LIPA: variants seen among roughly 807,000 people sequenced by gnomAD.
The protein encoded by LIPA is lysosomal acid lipase/cholesteryl ester hydrolase.
A neutral mutation model predicts 40.6 loss-of-function variants in LIPA; 26 were observed. The ratio of observed to expected loss-of-function variants is 0.64; its 90% CI spans 0.47 to 0.89. The LOEUF is 0.89. LIPA is among the 40% of genes least tolerant of loss of function. The probability of loss-of-function intolerance (pLI) is 0.00; values close to 1 mark genes in which losing one functional copy is unlikely to be tolerated. For missense variants in LIPA, 455 were observed against 479.6 expected (o/e 0.95, Z 0.48); for synonymous variants, 188 against 168.4 (o/e 1.12, Z -0.90).
chr10:89,342,968 C>A (rs1275288429), upstream of LIPA, among the ~76,000 whole-genome samples: 1 of 152,064 alleles, frequency 6.6e-6, no homozygotes, highest in Non-Finnish European at 1.5e-5. Context: ...AGTCTACTGA[C>A]CTGCAAAAAT....
chr10:89,305,896 C>A, intron 1 of LIPA: 1 of 1,119,588 alleles, frequency 8.9e-7, no homozygotes, highest in Non-Finnish European at 1.3e-6. Context: ...ATTTTATTTG[C>A]CATGCTCCCA....
At chr10:89,296,510 G>A (rs1262563156) in intron 1 of LIPA, among the ~76,000 whole-genome samples, 15 of 120,960 alleles carry the variant, frequency 1.2e-4, no homozygotes, top group East Asian at 2.3e-4. Flanking sequence ...AAAAAAAGAA[G>A]AAGAAGAAGA....
At chr10:89,346,906 G>A (rs1843927068), upstream of LIPA, among the ~76,000 whole-genome samples, 1 of 152,210 alleles carries the variant, frequency 6.6e-6, no homozygotes, top group South Asian at 2.1e-4. Flanking sequence ...GTTGGAGAAA[G>A]AGCCACACTC....
rs1356622527 is a variant in LIPA at position 89,214,874 on chromosome 10, C to A, written c.1154G>T (p.Trp385Leu). Residue 385 changes from tryptophan (W) to leucine (L), a missense_variant, in exon 10 of 10, where the codon TGG (tryptophan) becomes TTG (leucine). Transcript: ENST00000336233. ...LDFIWGLDAPWRLYNKIINLM... is the reference protein window; with the variant it reads ...LDFIWGLDAPLRLYNKIINLM... ...ATTAATAATTTTATTATAAAGCCTCCAAGGGGCATCCAGGCCCCAAATGAA... is the reference window on the plus strand; with the variant it reads ...ATTAATAATTTTATTATAAAGCCTCAAAGGGGCATCCAGGCCCCAAATGAA... 1.2e-6 allele frequency: 2 copies of A among 1,613,106 alleles called. No individual in the cohort carries two copies. Among genetic ancestry groups the A allele is most frequent in the Non-Finnish European group, 8.5e-7 (1 of 1,179,084 alleles).
chr10:89,280,141 T>C (rs112752892), intron 1 of LIPA, among the ~76,000 whole-genome samples: 1,582 of 152,280 alleles, frequency 0.01, 20 homozygotes, highest in African/African-American at 0.032. Flanking sequence ...AAACCACAGC[T>C]ACAAAACAAC....
In LIPA at chr10:89,278,490, C is replaced by T. The variant is rs528305757; in HGVS notation, c.-1-30841G>A. The T allele has an allele frequency of 2.0e-5, 3 of 152,294 alleles. No individual in the cohort carries two copies. In the South Asian group the frequency reaches 6.2e-4, roughly 32 times the overall value. 9.4% of individuals were successfully genotyped at this position (152,294 alleles called of 1,614,324 possible). A position where few individuals can be genotyped will look rare whatever the true frequency, so the allele number is the denominator to read the frequency against. ...TTTTCTTGGTTTAGCTGATTTAATC[C>T]TTACAATAAACATCTGTGATAGGAA... On this transcript the variant is annotated intron_variant, in intron 1 of 5. Transcript: ENST00000282673.
intron 8 of LIPA, among the ~76,000 whole-genome samples, chr10:89,218,519 G>A (rs1842656644): frequency 1.3e-5 from 2 of 152,124 alleles, no homozygotes; most frequent in Admixed American, 1.3e-4. Flanking sequence ...TAAGTACATG[G>A]CTGCCAAGAT....
intron 1 of LIPA, among the ~76,000 whole-genome samples, chr10:89,301,478 T>C (rs1190836207): frequency 6.6e-6 from 1 of 152,054 alleles, no homozygotes; most frequent in Non-Finnish European, 1.5e-5. Context: ...CTCCTAGGAG[T>C]TGTGCTCCCT....
At chr10:89,339,826 A>G in intron 1 of LIPA, 1 of 1,614,224 alleles carries the variant, frequency 6.2e-7, no homozygotes. Flanking sequence ...CATAAGCAAA[A>G]AATCAACTGA....
At chr10:89,344,488 A>T (rs1318403762), upstream of LIPA, among the ~76,000 whole-genome samples, 4 of 152,212 alleles carry the variant, frequency 2.6e-5, no homozygotes, top group Non-Finnish European at 5.9e-5. Context: ...ATGGGGCTAC[A>T]CATGCCTGTT....
At chr10:89,346,322 T>C (rs1297973068), upstream of LIPA, among the ~76,000 whole-genome samples, 1 of 152,154 alleles carries the variant, frequency 6.6e-6, no homozygotes, top group African/African-American at 2.4e-5. Context: ...TGACAACATA[T>C]AATCAACTAA....
intron 1 of LIPA, among the ~76,000 whole-genome samples, chr10:89,277,321 T>C (rs895057880): frequency 1.3e-5 from 2 of 152,238 alleles, no homozygotes; most frequent in Non-Finnish European, 2.9e-5. Context: ...TTGAGTCTGC[T>C]TTCTCGTATT....
At chr10:89,412,160 T>C (rs1841474221) in intron 2 of LIPA, among the ~76,000 whole-genome samples, 1 of 152,102 alleles carries the variant, frequency 6.6e-6, no homozygotes, top group Non-Finnish European at 1.5e-5. Context: ...GCTAGAGCAG[T>C]CATCAGCCAA....
At chr10:89,232,135 A>G (rs966783988) in intron 3 of LIPA, among the ~76,000 whole-genome samples, 28 of 152,334 alleles carry the variant, frequency 1.8e-4, no homozygotes, top group Admixed American at 8.5e-4. Flanking sequence ...ATTATAGTTG[A>G]AAAATGTGTA....
chr10:89,380,374 C>G (rs138767395), intron 2 of LIPA, among the ~76,000 whole-genome samples: 1 of 151,870 alleles, frequency 6.6e-6, no homozygotes, highest in East Asian at 1.9e-4. Context: ...AACATGGTGA[C>G]GAGTCCCTGT....
chr10:89,338,924 A>G (rs1843795481), intron 1 of LIPA: 2 of 1,614,108 alleles, frequency 1.2e-6, no homozygotes, highest in South Asian at 1.1e-5. Context: ...GACCAAGCAG[A>G]AATCAGAAGT....
intron 1 of LIPA, among the ~76,000 whole-genome samples, chr10:89,267,472 C>CGCAAGAACAAAAAA (rs1192756099): frequency 6.6e-6 from 1 of 150,998 alleles, no homozygotes; most frequent in Non-Finnish European, 1.5e-5. Flanking sequence ...AGTAAACTAT[C>CGCAAGAACAAAAAA]GCAAGAACAA....
chr10:89,291,493 C>T lies in LIPA; in HGVS notation c.-1-43844G>A, dbSNP rs75833702. On this transcript the variant is annotated intron_variant, in intron 1 of 5. Transcript: ENST00000282673. ...GTTTAAAGTATTTATTATAGTTAAC[C>T]TACCACAATACATGATACCATGATA... is the stretch of plus-strand genomic sequence containing the variant. Among the ~76,000 whole-genome samples the T allele has an allele frequency of 8.3e-3, 1,262 of 152,234 alleles. 8 individuals carry two copies. The highest frequency in any genetic ancestry group is 0.013 in the Non-Finnish European group (860 of 68,022).
At chr10:89,229,213 A>C (rs1244688249) in intron 3 of LIPA, among the ~76,000 whole-genome samples, 1 of 152,258 alleles carries the variant, frequency 6.6e-6, no homozygotes, top group Non-Finnish European at 1.5e-5. Flanking sequence ...AAAGATGTAG[A>C]GGAACCTTAA....
Sources: gnomAD v4.1 joint callset for allele counts (sites outside exome capture counted in the v4.1 genomes callset) on GRCh38, gnomAD v4.1.1 for gene constraint, MANE v1.5 for transcripts, NCBI Gene and HGNC (gene_info 2026-07-23, HGNC 2026-07-21) for gene names.